CPA6: variants seen among roughly 807,000 people sequenced by gnomAD.
CPA6 encodes carboxypeptidase A6.
Under a neutral mutation model 63.3 loss-of-function variants are expected in CPA6, and 58 were observed. The ratio of observed to expected loss-of-function variants is 0.92; its 90% CI spans 0.74 to 1.14. The LOEUF is 1.14. CPA6 is among the 50% of genes most tolerant of loss of function. The probability of loss-of-function intolerance (pLI) is 0.00; values close to 1 mark genes in which losing one functional copy is unlikely to be tolerated. For synonymous variants in CPA6, 185 were observed against 179.0 expected (o/e 1.03, Z -0.27); for missense variants, 565 against 526.6 (o/e 1.07, Z -0.71).
intron 5 of CPA6, among the ~76,000 whole-genome samples, chr8:67,507,777 G>A (rs529187689): frequency 7.9e-5 from 12 of 152,234 alleles, no homozygotes; most frequent in African/African-American, 2.9e-4. Flanking sequence ...ATAAAATGTG[G>A]CTTCTCAGAA....
intron 5 of CPA6, 107 bp from the exon 6 acceptor site, chr8:67,506,995 G>T: frequency 2.6e-6 from 2 of 762,696 alleles, no homozygotes; most frequent in Admixed American, 2.2e-5. Context: ...TGGTTCATTA[G>T]GTAATGCATA....
At chr8:67,598,584 C>T (rs1303743619) in intron 2 of CPA6, among the ~76,000 whole-genome samples, 1 of 152,044 alleles carries the variant, frequency 6.6e-6, no homozygotes, top group Non-Finnish European at 1.5e-5. Flanking sequence ...TTTAAAATAA[C>T]ATTGTATTGA....
At chr8:67,627,703 C>G (rs1305631088) in intron 1 of CPA6, among the ~76,000 whole-genome samples, 1 of 152,122 alleles carries the variant, frequency 6.6e-6, no homozygotes, top group African/African-American at 2.4e-5. Flanking sequence ...ATTAGTCTCC[C>G]AGGAATTACT....
intron 2 of CPA6, among the ~76,000 whole-genome samples, chr8:67,615,942 A>T (rs1814937035): frequency 6.6e-6 from 1 of 152,220 alleles, no homozygotes; most frequent in African/African-American, 2.4e-5. Context: ...GAGAAATTAC[A>T]ACTGGTTCAG....
At chr8:67,607,142 C>G (rs1814664400) in intron 2 of CPA6, among the ~76,000 whole-genome samples, 1 of 79,308 alleles carries the variant, frequency 1.3e-5, no homozygotes, top group African/African-American at 7.8e-5. Context: ...CCTCCCCCTC[C>G]TCCCCCCCCT....
At chr8:67,744,115 G>T (rs1817963297) in intron 1 of CPA6, among the ~76,000 whole-genome samples, 1 of 152,150 alleles carries the variant, frequency 6.6e-6, no homozygotes, top group Non-Finnish European at 1.5e-5. Context: ...TGTCTTTTGC[G>T]ATGAGAAAAT....
chr8:67,652,145 G>T lies in CPA6; in HGVS notation c.117-27894C>A, dbSNP rs368672302. 6.6e-5 allele frequency among the ~76,000 whole-genome samples: 10 copies of T among 152,244 alleles called. 1 individual carries two copies. The highest frequency in any genetic ancestry group is 2.6e-4 in the Admixed American group (4 of 15,286). ...CATTTTCTTAATTCAGTCTATCATT[G>T]TTGGACATTTAGGTTGGTTCCAAGT... On this transcript the variant is annotated intron_variant, in intron 1 of 10. Coordinates refer to ENST00000297770, the MANE Select transcript of CPA6 (RefSeq NM_020361.5).
chr8:67,658,159 C>T (rs1256862112), intron 1 of CPA6, among the ~76,000 whole-genome samples: 1 of 152,198 alleles, frequency 6.6e-6, no homozygotes, highest in Non-Finnish European at 1.5e-5. Flanking sequence ...ATAACACCCA[C>T]CTAACAGAAT....
intron 1 of CPA6, among the ~76,000 whole-genome samples, chr8:67,633,858 T>C (rs1371080477): frequency 6.6e-6 from 1 of 151,642 alleles, no homozygotes; most frequent in Non-Finnish European, 1.5e-5. Flanking sequence ...AGATAAGACC[T>C]TAAGAATCTT....
At chr8:67,605,669 G>GA (rs1814618058) in intron 2 of CPA6, among the ~76,000 whole-genome samples, 1 of 151,904 alleles carries the variant, frequency 6.6e-6, no homozygotes, top group Non-Finnish European at 1.5e-5. Flanking sequence ...CCCAGAGAAA[G>GA]GGTCAGTTTT....
chr8:67,692,814 A>G (rs1816839624), intron 1 of CPA6, among the ~76,000 whole-genome samples: 1 of 152,244 alleles, frequency 6.6e-6, no homozygotes, highest in South Asian at 2.1e-4. Context: ...AAATTGGGGC[A>G]CAGATAATGA....
chr8:67,652,743 A>G (rs1815878498), intron 1 of CPA6, among the ~76,000 whole-genome samples: 1 of 151,766 alleles, frequency 6.6e-6, no homozygotes, highest in South Asian at 2.1e-4. Flanking sequence ...CTTTAGTTTA[A>G]TTAGATCCCA....
At chr8:67,471,904 A>G (rs973587059) in intron 8 of CPA6, among the ~76,000 whole-genome samples, 1 of 152,232 alleles carries the variant, frequency 6.6e-6, no homozygotes, top group African/African-American at 2.4e-5. Flanking sequence ...ATGAGATGAT[A>G]AAAATGGTAA....
intron 1 of CPA6, among the ~76,000 whole-genome samples, chr8:67,718,523 G>T (rs975778099): frequency 1.3e-5 from 2 of 152,076 alleles, no homozygotes; most frequent in Non-Finnish European, 2.9e-5. Flanking sequence ...TTTTCATTTG[G>T]TGACTCAGAA....
chr8:67,597,392 C>T (rs1814371905), intron 2 of CPA6, among the ~76,000 whole-genome samples: 2 of 152,092 alleles, frequency 1.3e-5, no homozygotes, highest in African/African-American at 2.4e-5. Context: ...GATGGGGTTT[C>T]ACCATGTTGA....
At chr8:67,482,738 G>A (rs1047383533) in intron 8 of CPA6, among the ~76,000 whole-genome samples, 3 of 152,102 alleles carry the variant, frequency 2.0e-5, no homozygotes, top group Non-Finnish European at 2.9e-5. Flanking sequence ...GAGGTGGTTG[G>A]CATTATACTT....
intron 2 of CPA6, among the ~76,000 whole-genome samples, chr8:67,613,673 G>T (rs148133380): frequency 6.6e-6 from 1 of 152,182 alleles, no homozygotes; most frequent in Admixed American, 6.5e-5. Flanking sequence ...ACAGGAGACC[G>T]GGAAATCCTG....
At chr8:67,660,496 A>ATTTTTTTTTTTTT in intron 1 of CPA6, among the ~76,000 whole-genome samples, 1 of 78,922 alleles carries the variant, frequency 1.3e-5, no homozygotes, top group Non-Finnish European at 2.3e-5. Flanking sequence ...TGCCCGGCTC[A>ATTTTTTTTTTTTT]TTTTTTTTTT....
intron 2 of CPA6, among the ~76,000 whole-genome samples, chr8:67,541,015 T>C (rs1209141902): frequency 6.6e-6 from 1 of 152,196 alleles, no homozygotes; most frequent in Non-Finnish European, 1.5e-5. Flanking sequence ...AGCGAATGTT[T>C]CTGTCTCACT....
Sources: allele counts gnomAD v4.1 joint callset (sites outside exome capture counted in the v4.1 genomes callset), GRCh38; gene constraint gnomAD v4.1.1; transcripts MANE v1.5; gene names NCBI Gene and HGNC (gene_info 2026-07-23, HGNC 2026-07-21).